ZMIZ1: variants seen among roughly 807,000 people sequenced by gnomAD.
The protein encoded by ZMIZ1 is zinc finger MIZ-type containing 1, also known as zinc finger MIZ domain-containing protein 1.
Under a neutral mutation model 113.9 loss-of-function variants are expected in ZMIZ1, and 17 were observed. That is an observed-to-expected ratio of 0.15 (90% CI 0.10 to 0.22). ZMIZ1 has a LOEUF of 0.22. Ranked by LOEUF, ZMIZ1 falls within the 10% of genes least tolerant of loss-of-function variation. ZMIZ1 has a pLI of 1.00. For synonymous variants in ZMIZ1, 607 were observed against 603.1 expected (o/e 1.01, Z -0.09); for missense variants, 1,059 against 1,477.8 (o/e 0.72, Z 4.65).
intron 3 of ZMIZ1, among the ~76,000 whole-genome samples, chr10:79,156,642 G>C (rs921996248): frequency 6.6e-6 from 1 of 152,180 alleles, no homozygotes; most frequent in South Asian, 2.1e-4. Context: ...AGTGCCTACT[G>C]TCTGCTGGAG....
chr10:79,076,605 G>A (rs1842483520), intron 1 of ZMIZ1, among the ~76,000 whole-genome samples: 1 of 152,210 alleles, frequency 6.6e-6, no homozygotes, highest in Admixed American at 6.5e-5. Flanking sequence ...GGAGGCCTAG[G>A]CAGGTGGATC....
At chr10:79,129,287 C>T (rs1589307802) in intron 2 of ZMIZ1, among the ~76,000 whole-genome samples, 1 of 152,332 alleles carries the variant, frequency 6.6e-6, no homozygotes, top group East Asian at 1.9e-4. Flanking sequence ...CTAGGGTGGC[C>T]GTCCAGATTG....
intron 4 of ZMIZ1, among the ~76,000 whole-genome samples, chr10:79,194,299 G>T (rs1398293215): frequency 6.6e-6 from 1 of 152,258 alleles, no homozygotes; most frequent in Non-Finnish European, 1.5e-5. Flanking sequence ...GTATGCAAGG[G>T]GTCACATGTG....
At chr10:79,303,960 T>C in intron 18 of ZMIZ1, 55 bp from the exon 19 acceptor site, 1 of 1,608,096 alleles carries the variant, frequency 6.2e-7, no homozygotes, top group Non-Finnish European at 8.5e-7. Context: ...GCAGACCCCC[T>C]ACCTCTGCAG....
intron 7 of ZMIZ1, among the ~76,000 whole-genome samples, chr10:79,220,841 C>G (rs1422641611): frequency 6.7e-6 from 1 of 150,318 alleles, no homozygotes; most frequent in Admixed American, 6.6e-5. Flanking sequence ...TGTACATGTG[C>G]ATGTCTCTGT....
At chr10:79,135,286 G>A (rs1395209784) in intron 2 of ZMIZ1, among the ~76,000 whole-genome samples, 1 of 152,164 alleles carries the variant, frequency 6.6e-6, no homozygotes, top group African/African-American at 2.4e-5. Context: ...GGCCAGGTCT[G>A]CAGCCACCAC....
At chr10:79,168,549 C>T (rs2132522219) in intron 4 of ZMIZ1, among the ~76,000 whole-genome samples, 1 of 152,336 alleles carries the variant, frequency 6.6e-6, no homozygotes, top group East Asian at 1.9e-4. Context: ...GACAGGCACC[C>T]AGCTTGTGCA....
chr10:79,175,670 G>C (rs1846828462), intron 4 of ZMIZ1, among the ~76,000 whole-genome samples: 1 of 146,762 alleles, frequency 6.8e-6, no homozygotes, highest in Admixed American at 6.8e-5. Context: ...CCCTCCCCCT[G>C]GCCACCACAC....
At chr10:79,156,579 G>A (rs1228647543) in intron 3 of ZMIZ1, among the ~76,000 whole-genome samples, 2 of 152,208 alleles carry the variant, frequency 1.3e-5, no homozygotes, top group African/African-American at 4.8e-5. Context: ...GGCAAGGAGC[G>A]GAAAGCAGGC....
At chr10:79,264,751 G>A (rs1322119176) in intron 7 of ZMIZ1, among the ~76,000 whole-genome samples, 2 of 152,228 alleles carry the variant, frequency 1.3e-5, no homozygotes, top group Non-Finnish European at 2.9e-5. Context: ...ACAGTACATG[G>A]TGACAGCTCC....
chr10:79,113,291 G>A (rs1050757845), intron 1 of ZMIZ1, among the ~76,000 whole-genome samples: 4 of 152,226 alleles, frequency 2.6e-5, no homozygotes, highest in African/African-American at 4.8e-5. Context: ...GTCTGTGGCC[G>A]AGAGACCGGC....
At chr10:79,234,622 G>A (rs1849520803) in intron 7 of ZMIZ1, among the ~76,000 whole-genome samples, 1 of 152,170 alleles carries the variant, frequency 6.6e-6, no homozygotes. Flanking sequence ...ATACTTAATA[G>A]ATAAACATAC....
intron 8 of ZMIZ1, among the ~76,000 whole-genome samples, chr10:79,282,087 C>A (rs373022064): frequency 1.2e-4 from 18 of 152,182 alleles, no homozygotes; most frequent in East Asian, 7.7e-4. Context: ...CTCCTTGCAA[C>A]CTTTAGGAAT....
At chr10:79,276,999 C>G (rs990916573) in intron 7 of ZMIZ1, among the ~76,000 whole-genome samples, 182 bp from the exon 8 acceptor site, 6 of 152,178 alleles carry the variant, frequency 3.9e-5, no homozygotes, top group Non-Finnish European at 8.8e-5. Flanking sequence ...GGGTGTCAGT[C>G]CCATCTTACA....
At chr10:79,195,976 A>AACAGGTGT (rs1847815846) in intron 4 of ZMIZ1, among the ~76,000 whole-genome samples, 1 of 151,970 alleles carries the variant, frequency 6.6e-6, no homozygotes, top group South Asian at 2.1e-4. Context: ...GAACAAATGG[A>AACAGGTGT]AGATCCCAGC....
Position 79,291,101 on chromosome 10 carries a change from G to T in ZMIZ1, c.683G>T (p.Gly228Val), listed in dbSNP as rs764890947. 6.2e-7 allele frequency: 1 copy of T among 1,614,208 alleles called. No homozygotes were observed. Among genetic ancestry groups the T allele is most frequent in the Non-Finnish European group, 8.5e-7 (1 of 1,180,046 alleles). ...GQQQQFSAKAGPAQPYIQQSM... is the reference protein window; with the variant it reads ...GQQQQFSAKAVPAQPYIQQSM... ...CAGCAGCAGTTCTCAGCCAAGGCTG[G>T]CCCCGCTCAGCCCTACATCCAGCAG... The change falls in exon 10 of 25, where the codon GGC becomes GTC. Residue 228 changes from glycine (G) to valine (V), a missense_variant. Coordinates refer to ENST00000334512, the MANE Select transcript of ZMIZ1 (RefSeq NM_020338.4).
chr10:79,270,354 GT>G (rs893813277), intron 7 of ZMIZ1, among the ~76,000 whole-genome samples: 47 of 152,296 alleles, frequency 3.1e-4, no homozygotes, highest in African/African-American at 1.1e-3. Flanking sequence ...TCCCTTTTCT[GT>G]TTTAGATGAG....
At chr10:79,192,502 A>T (rs561150426) in intron 4 of ZMIZ1, among the ~76,000 whole-genome samples, 2 of 152,308 alleles carry the variant, frequency 1.3e-5, no homozygotes, top group African/African-American at 4.8e-5. Context: ...CCCTTCCGGA[A>T]GCTTTGAGTG....
intron 6 of ZMIZ1, among the ~76,000 whole-genome samples, chr10:79,211,133 C>T (rs980459031): frequency 2.6e-5 from 4 of 152,242 alleles, no homozygotes; most frequent in Middle Eastern, 3.4e-3. Context: ...TTGTCATAAA[C>T]GACACTTCAG....
Sources: gnomAD v4.1 joint callset for allele counts (sites outside exome capture counted in the v4.1 genomes callset) on GRCh38, gnomAD v4.1.1 for gene constraint, MANE v1.5 for transcripts, NCBI Gene and HGNC (gene_info 2026-07-23, HGNC 2026-07-21) for gene names.